The following HMCN1 variants were observed in gnomAD, a reference collection of about 807,000 sequenced individuals.
HMCN1 encodes the protein hemicentin-1.
HMCN1 carries 321 observed loss-of-function variants against 625.9 expected under a neutral mutation model. The observed-to-expected ratio is 0.51, with a 90% CI of 0.47 to 0.56. HMCN1 has a LOEUF of 0.56. Ranked by LOEUF, HMCN1 falls within the 20% of genes least tolerant of loss-of-function variation. The pLI, the probability that HMCN1 is intolerant of heterozygous loss-of-function variation, is 0.00. For synonymous variants in HMCN1, 2,425 were observed against 2,417.6 expected, an observed-to-expected ratio of 1.00 and a Z score of -0.09; for missense variants, 6,588 against 6,887.3, an observed-to-expected ratio of 0.96 and a Z score of 1.54.
At position 185,909,746 on chromosome 1, in the gene HMCN1, C is replaced by T. The variant is rs550679650; in HGVS notation, c.793+238C>T. On this transcript the variant is annotated intron_variant, in intron 5 of 106. Transcript: ENST00000271588. ...ATTTAAAGAGGTCAGATGTAGTATA[C>T]TAATTATATTTAAATGATCCAAAAT... 4.6e-5 allele frequency among the ~76,000 whole-genome samples: 7 copies of T among 152,020 alleles called. No homozygotes were observed. The East Asian group carries it at 7.7e-4, about 17-fold the overall frequency.
chr1:186,062,085 TCTTGG>T, intron 47 of HMCN1, 121 bp downstream of exon 47: 1 of 638,928 alleles, frequency 1.6e-6, no homozygotes. Flanking sequence ...GGACTGTGAC[TCTTGG>T]CAAGAATTCA....
At chr1:186,168,020 C>T (rs575816680) in intron 100 of HMCN1, among the ~76,000 whole-genome samples, 2 of 151,656 alleles carry the variant, frequency 1.3e-5, no homozygotes, top group African/African-American at 4.8e-5. Flanking sequence ...CACCCATGAA[C>T]CATTGTGCAT....
At chr1:186,051,514 A>G (rs1162190527) in intron 42 of HMCN1, among the ~76,000 whole-genome samples, 1 of 152,008 alleles carries the variant, frequency 6.6e-6, no homozygotes, top group Non-Finnish European at 1.5e-5. Flanking sequence ...AAGTATTTGT[A>G]TTAATGGAAG....
chr1:185,799,356 G>T (rs1419481278), intron 1 of HMCN1, among the ~76,000 whole-genome samples: 3 of 152,170 alleles, frequency 2.0e-5, no homozygotes, highest in Non-Finnish European at 2.9e-5. Context: ...AAACTCTCTG[G>T]TACCTTAGGC....
chr1:186,019,992 T>A (rs1234083868), intron 35 of HMCN1, among the ~76,000 whole-genome samples: 2 of 152,032 alleles, frequency 1.3e-5, no homozygotes, highest in African/African-American at 2.4e-5. Flanking sequence ...CACAGATGAA[T>A]GATGTTCATC....
intron 28 of HMCN1, among the ~76,000 whole-genome samples, chr1:186,002,966 T>C (rs1653297550): frequency 6.6e-6 from 1 of 152,138 alleles, no homozygotes; most frequent in Non-Finnish European, 1.5e-5. Context: ...TGAAAGTCTA[T>C]CATCATTCAT....
chr1:185,874,103 A>C (rs887787097), intron 4 of HMCN1, among the ~76,000 whole-genome samples: 2 of 152,014 alleles, frequency 1.3e-5, no homozygotes, highest in East Asian at 3.8e-4. Context: ...TAAGTAGTTT[A>C]AACCATTTAG....
In HMCN1 at chr1:186,182,194, G is replaced by A; in HGVS notation, c.16321G>A (p.Ala5441Thr). 1 of 1,613,312 alleles carries A rather than the reference G, an allele frequency of 6.2e-7. No individual in the cohort carries two copies. The highest frequency in any genetic ancestry group is 8.5e-7 in the Non-Finnish European group (1 of 1,179,394). ...TATTGATGAATGTGAAAATACAGAT[G>A]CCTGCCAGCATGAGTGTAAGAATAC... ...VDIDECENTD[A>T]CQHECKNTFG... The change falls in exon 105 of 107, where the codon GCC becomes ACC. Residue 5441 changes from alanine to threonine, a missense_variant. Physicochemically the swap from Ala to Thr is moderately conservative, Grantham distance 58. Around this residue, in one of 3 missense-constraint regions of HMCN1, gnomAD observed 1,954 missense variants for 2,013.1 expected, o/e 0.97. Transcript: ENST00000271588.
In HMCN1 at chr1:185,820,034, A is replaced by G. The variant is rs564513914; in HGVS notation, c.269-25992A>G. Among the ~76,000 whole-genome samples, 19 of 152,314 alleles carry G rather than the reference A, an allele frequency of 1.2e-4. No individual in the cohort carries two copies. In the East Asian group the frequency reaches 3.5e-3, roughly 28 times the overall value. On this transcript the variant is annotated intron_variant, in intron 1 of 106. Transcript: ENST00000271588. ...AAGGAAAAAAGCACAATGAAGTATG[A>G]TAAGGGGGCAAAAGGTTTGGAGAAC...
chr1:185,840,100 C>G (rs757970778), intron 1 of HMCN1, among the ~76,000 whole-genome samples: 1 of 152,100 alleles, frequency 6.6e-6, no homozygotes, highest in Admixed American at 6.5e-5. Context: ...AGTCAGGAAA[C>G]AGTTCTGCAT....
At chr1:185,857,661 A>G (rs1662555388) in intron 2 of HMCN1, among the ~76,000 whole-genome samples, 2 of 152,112 alleles carry the variant, frequency 1.3e-5, no homozygotes. Context: ...CTGGAATTGT[A>G]TTACTCGAAA....
chr1:185,945,814 T>A (rs2102520394), intron 11 of HMCN1, among the ~76,000 whole-genome samples: 1 of 152,312 alleles, frequency 6.6e-6, no homozygotes, highest in Non-Finnish European at 1.5e-5. Flanking sequence ...AACAGTGAGA[T>A]CCAAACCCAT....
At chr1:186,045,640 A>AGT (rs1388727774) in intron 40 of HMCN1, 48 bp from the exon 41 acceptor site, 1 of 1,385,012 alleles carries the variant, frequency 7.2e-7, no homozygotes, top group South Asian at 1.2e-5. Flanking sequence ...GAATGTAAAC[A>AGT]GTGTGCTGGC....
intron 82 of HMCN1, among the ~76,000 whole-genome samples, chr1:186,126,996 G>C (rs1384694279): frequency 6.6e-6 from 1 of 152,070 alleles, no homozygotes; most frequent in East Asian, 1.9e-4. Flanking sequence ...TGTTAGCAGA[G>C]AAGAGACAAG....
intron 89 of HMCN1, among the ~76,000 whole-genome samples, chr1:186,141,529 G>A (rs1649963242): frequency 6.6e-6 from 1 of 152,134 alleles, no homozygotes; most frequent in African/African-American, 2.4e-5. Context: ...TATCTTCGGT[G>A]ATGGCCTGTC....
chr1:185,877,951 C>T (rs1331374192), intron 4 of HMCN1, among the ~76,000 whole-genome samples: 1 of 152,060 alleles, frequency 6.6e-6, no homozygotes, highest in Non-Finnish European at 1.5e-5. Flanking sequence ...CATTGGTTCT[C>T]ATTATTTAGC....
At chr1:185,827,137 A>T (rs947487315) in intron 1 of HMCN1, among the ~76,000 whole-genome samples, 1 of 148,290 alleles carries the variant, frequency 6.7e-6, no homozygotes, top group African/African-American at 2.5e-5. Context: ...ATGCCACTGC[A>T]CTCCAGCCTG....
At chr1:186,025,654 C>T (rs1475587708) in intron 36 of HMCN1, among the ~76,000 whole-genome samples, 1 of 152,114 alleles carries the variant, frequency 6.6e-6, no homozygotes, top group African/African-American at 2.4e-5. Context: ...TAAGAAGGCA[C>T]AAGTCTCTAA....
At chr1:185,782,238 T>G (rs966123349) in intron 1 of HMCN1, among the ~76,000 whole-genome samples, 11 of 152,260 alleles carry the variant, frequency 7.2e-5, no homozygotes, top group East Asian at 3.9e-4. Flanking sequence ...GCCTATGTGT[T>G]TCTCTGCACG....
Sources: gnomAD v4.1 joint callset for allele counts (sites outside exome capture counted in the v4.1 genomes callset) on GRCh38, gnomAD v4.1.1 for gene constraint, gnomAD v4.1.1 regional missense constraint, MANE v1.5 for transcripts, NCBI Gene and HGNC (gene_info 2026-07-23, HGNC 2026-07-21) for gene names.